PRKAR2B: variants seen among roughly 807,000 people sequenced by gnomAD.
PRKAR2B encodes cAMP-dependent protein kinase type II-beta regulatory subunit.
In PRKAR2B, 14 loss-of-function variants were observed where a neutral mutation model predicts 49.9. The ratio of observed to expected loss-of-function variants is 0.28; its 90% confidence interval spans 0.19 to 0.44. The LOEUF (loss-of-function observed/expected upper bound fraction) is 0.44. Among genes scored for constraint, PRKAR2B ranks in the 20% least tolerant of loss-of-function variants. PRKAR2B has a pLI of 1.00. For missense variants in PRKAR2B, 393 were observed against 537.9 expected (o/e 0.73, Z 2.67); for synonymous variants, 196 against 197.7 (o/e 0.99, Z 0.07).
At chr7:107,070,446 AAC>A (rs1365420235) in intron 2 of PRKAR2B, 130 bp downstream of exon 2, 9 of 778,044 alleles carry the variant, frequency 1.2e-5, no homozygotes, top group Admixed American at 8.6e-5. Flanking sequence ...TTTCCCAGAA[AAC>A]ACAACTATCT....
rs1793655997 is a variant in PRKAR2B, at chr7:107,044,835, A to G, written c.-73A>G. ...CCAGCGCCGTAGGCGCTCGCTCGGCAGCCGCGGGGCCCTAGGCCGTGCCGG... is the reference window on the plus strand; with the variant it reads ...CCAGCGCCGTAGGCGCTCGCTCGGCGGCCGCGGGGCCCTAGGCCGTGCCGG... On this transcript the variant is annotated 5_prime_UTR_variant, in exon 1 of 11. Coordinates refer to ENST00000265717, the MANE Select transcript of PRKAR2B (RefSeq NM_002736.3). 4.1e-6 allele frequency: 5 copies of G among 1,224,706 alleles called. No individual in the cohort carries two copies. The highest frequency in any genetic ancestry group is 3.2e-5 in the East Asian group (1 of 31,408). 75.9% of individuals were successfully genotyped at this position (1,224,706 alleles called of 1,614,324 possible).
intron 2 of PRKAR2B, among the ~76,000 whole-genome samples, chr7:107,076,331 TTCTC>T (rs1201951546): frequency 1.1e-4 from 16 of 152,340 alleles, no homozygotes; most frequent in Admixed American, 2.6e-4. Flanking sequence ...TCATGTTTTT[TTCTC>T]TCTCTCTTTT....
intron 8 of PRKAR2B, among the ~76,000 whole-genome samples, chr7:107,153,858 T>C (rs992602135): frequency 6.6e-6 from 1 of 152,234 alleles, no homozygotes; most frequent in African/African-American, 2.4e-5. Context: ...TTCCTAGTTA[T>C]ATTTTTGAAG....
chr7:107,084,193 G>A (rs1249908814), intron 2 of PRKAR2B, among the ~76,000 whole-genome samples: 1 of 152,132 alleles, frequency 6.6e-6, no homozygotes, highest in Non-Finnish European at 1.5e-5. Context: ...TATAGGTGAA[G>A]CATTTAAATT....
chr7:107,062,733 C>T (rs755548758), intron 1 of PRKAR2B, among the ~76,000 whole-genome samples: 21 of 152,018 alleles, frequency 1.4e-4, no homozygotes, highest in Non-Finnish European at 2.4e-4. Flanking sequence ...TGTGGACACT[C>T]TTGAAATCTT....
chr7:107,103,762 G>A (rs542067741), intron 2 of PRKAR2B, among the ~76,000 whole-genome samples: 140 of 152,324 alleles, frequency 9.2e-4, no homozygotes, highest in Non-Finnish European at 1.4e-3. Flanking sequence ...CTGCCACCTG[G>A]TCTAGCTGTT....
rs1159165961 is a variant in PRKAR2B at position 107,157,247 on chromosome 7, A to T, written c.1046A>T (p.Tyr349Phe). 6.2e-7 allele frequency: 1 copy of T among 1,614,252 alleles called. No homozygotes were observed. Among genetic ancestry groups the T allele is most frequent in the Admixed American group, 1.7e-5 (1 of 60,032 alleles). ...ATCGCTCGATGCTCGCGGGGACAGT[A>T]CTTTGGAGAGCTTGCCCTGGTAACT... ...VEIARCSRGQ[Y>F]FGELALVTNK... is the part of the protein sequence containing the mutation. The change falls in exon 10 of 11, where the codon TAC becomes TTC. Residue 349 changes from tyrosine (Y) to phenylalanine (F), a missense_variant. By Grantham distance (22) the Tyr-to-Phe change is conservative. Transcript: ENST00000265717.
chr7:107,136,942 C>A (rs1032601571), intron 4 of PRKAR2B, among the ~76,000 whole-genome samples: 11 of 152,220 alleles, frequency 7.2e-5, no homozygotes, highest in African/African-American at 2.2e-4. Flanking sequence ...GATAAATAAA[C>A]TGGTACATCT....
chr7:107,066,721 A>G (rs975919646), intron 1 of PRKAR2B: 1 of 151,778 alleles, frequency 6.6e-6, no homozygotes, highest in Non-Finnish European at 1.5e-5. Flanking sequence ...GGTGCTCACC[A>G]CCACGCCCGG....
In PRKAR2B at chr7:107,150,573, CAG is replaced by C. The variant is rs1442209708; in HGVS notation, c.742-346_742-345del. On this transcript the variant is annotated intron_variant, in intron 6 of 10. Coordinates refer to ENST00000265717, the MANE Select transcript of PRKAR2B (RefSeq NM_002736.3). Reference sequence around the variant, plus strand: ...ATGAAAAAGAACGTAGAGTACATAACAGAGTAAAAGAACAGAGTGCTAGTATA... The same window carrying C: ...ATGAAAAAGAACGTAGAGTACATAACAGTAAAAGAACAGAGTGCTAGTATA... Among the ~76,000 whole-genome samples, 4 of 56,470 alleles carry C rather than the reference CAG, an allele frequency of 7.1e-5. No homozygotes were observed. In the East Asian group the frequency reaches 2.2e-3, roughly 31 times the overall value. The allele number at this position is 56,470 out of a possible 152,430, so 37.0% of individuals were successfully genotyped here.
chr7:107,059,848 C>T (rs1196949121), intron 1 of PRKAR2B, among the ~76,000 whole-genome samples: 1 of 152,074 alleles, frequency 6.6e-6, no homozygotes, highest in Non-Finnish European at 1.5e-5. Flanking sequence ...AATAATACTT[C>T]TAAGATTTTC....
intron 6 of PRKAR2B, among the ~76,000 whole-genome samples, 154 bp from the exon 7 acceptor site, chr7:107,150,768 G>A (rs1006554346): frequency 4.7e-5 from 7 of 149,894 alleles, no homozygotes; most frequent in Non-Finnish European, 7.4e-5. Context: ...TGTGCTTGAC[G>A]AAATAAAAAT....
chr7:107,088,503 C>T (rs1439046082), intron 2 of PRKAR2B, among the ~76,000 whole-genome samples: 2 of 152,174 alleles, frequency 1.3e-5, no homozygotes, highest in Non-Finnish European at 2.9e-5. Context: ...TTTTTGACAT[C>T]ATTCTTACGT....
At chr7:107,136,251 A>G (rs1795699861) in intron 4 of PRKAR2B, among the ~76,000 whole-genome samples, 1 of 152,210 alleles carries the variant, frequency 6.6e-6, no homozygotes, top group African/African-American at 2.4e-5. Context: ...GAAAATCTAG[A>G]TGACCTTGGA....
chr7:107,131,875 A>G (rs1217015583), intron 4 of PRKAR2B, among the ~76,000 whole-genome samples: 1 of 152,230 alleles, frequency 6.6e-6, no homozygotes, highest in Non-Finnish European at 1.5e-5. Flanking sequence ...TTACATATTC[A>G]GCTTATATAA....
At chr7:107,156,845 C>T (rs971005029) in intron 8 of PRKAR2B, 139 bp from the exon 9 acceptor site, 2 of 720,530 alleles carry the variant, frequency 2.8e-6, no homozygotes, top group Non-Finnish European at 4.7e-6. Context: ...ACCGAGACAG[C>T]TTGTTCCCTT....
intron 2 of PRKAR2B, among the ~76,000 whole-genome samples, chr7:107,104,838 C>A (rs2116817619): frequency 6.6e-6 from 1 of 152,228 alleles, no homozygotes; most frequent in Non-Finnish European, 1.5e-5. Context: ...AATCAGTTAT[C>A]ATTTTCAGGG....
intron 1 of PRKAR2B, among the ~76,000 whole-genome samples, chr7:107,066,296 T>C (rs1794141588): frequency 1.0e-5 from 1 of 97,134 alleles, no homozygotes; most frequent in Non-Finnish European, 1.9e-5. Context: ...TTTCTCTCTA[T>C]GTGGGGTGTG....
chr7:107,058,912 C>CAGATAAA (rs1206041251), intron 1 of PRKAR2B, among the ~76,000 whole-genome samples: 1 of 152,176 alleles, frequency 6.6e-6, no homozygotes, highest in East Asian at 1.9e-4. Context: ...GAGAAAGACA[C>CAGATAAA]AGATAAATGA....
Sources: gnomAD v4.1 joint callset for allele counts (sites outside exome capture counted in the v4.1 genomes callset) on GRCh38, gnomAD v4.1.1 for gene constraint, MANE v1.5 for transcripts, NCBI Gene and HGNC (gene_info 2026-07-23, HGNC 2026-07-21) for gene names.